The following CDC25B variants were observed in gnomAD, a reference collection of about 807,000 sequenced individuals.
CDC25B encodes cell division cycle 25B.
A neutral mutation model predicts 69.8 loss-of-function variants in CDC25B; 33 were observed. The ratio of observed to expected loss-of-function variants is 0.47; its 90% CI spans 0.36 to 0.63. The LOEUF is 0.63. Ranked by LOEUF, CDC25B falls within the 30% of genes least tolerant of loss-of-function variation. CDC25B has a pLI of 0.00. For missense variants in CDC25B, 727 were observed against 809.1 expected, an observed-to-expected ratio of 0.90 and a Z score of 1.23; for synonymous variants, 341 against 314.6, an observed-to-expected ratio of 1.08 and a Z score of -0.89.
chr20:3,795,406 G>A (rs1309225610), upstream of CDC25B, among the ~76,000 whole-genome samples: 3 of 151,962 alleles, frequency 2.0e-5, no homozygotes, highest in Admixed American at 6.6e-5. Flanking sequence ...AAGCTGCTCC[G>A]CTTAAAACGA....
upstream of CDC25B, among the ~76,000 whole-genome samples, chr20:3,795,485 A>C (rs1471158019): frequency 1.3e-5 from 2 of 152,254 alleles, no homozygotes; most frequent in Non-Finnish European, 2.9e-5. Flanking sequence ...TGCCATTGGC[A>C]CCAAGTTAGC....
At chr20:3,790,850 G>A (rs745945336) in intron 1 of CDC25B, among the ~76,000 whole-genome samples, 7 of 150,668 alleles carry the variant, frequency 4.6e-5, no homozygotes, top group Admixed American at 4.0e-4. Flanking sequence ...GATTACAGGC[G>A]TGAGCCACCG....
chr20:3,791,068 A>G (rs1318177997), intron 1 of CDC25B, among the ~76,000 whole-genome samples: 1 of 152,182 alleles, frequency 6.6e-6, no homozygotes, highest in East Asian at 1.9e-4. Flanking sequence ...TAGTCTTTCA[A>G]TAATGAGCCC....
Position 3,805,058 on chromosome 20 carries a change from G to T in CDC25B, c.*97G>T, listed in dbSNP as rs758565216. ...GGCTGAGGGCCTGCTGGAGGCCTCA[G>T]GTGCTGTCCATGGGAAAGATGGTGT... On this transcript the variant is annotated 3_prime_UTR_variant, in exon 16 of 16. Coordinates refer to ENST00000245960, the MANE Select transcript of CDC25B (RefSeq NM_021873.4). The T allele has an allele frequency of 7.7e-7, 1 of 1,298,354 alleles. No individual in the cohort carries two copies. The highest frequency in any genetic ancestry group is 1.0e-6 in the Non-Finnish European group (1 of 953,964). The allele number at this position is 1,298,354 out of a possible 1,614,324, so 80.4% of individuals were successfully genotyped here.
In CDC25B at chr20:3,796,665, G is replaced by A; in HGVS notation, c.134G>A (p.Arg45Gln). The change falls in exon 1 of 16, where the codon CGG becomes CAG. Residue 45 changes from arginine (R) to glutamine (Q), a missense_variant. Coordinates refer to ENST00000245960, the MANE Select transcript of CDC25B (RefSeq NM_021873.4). ...GSHGLLGSPV[R>Q]AAASSPVTTL... ...CATGGCCTCCTGGGGTCCCCGGTGC[G>A]GGCGGCCGCTTCCTCGCCGGTCACC... 2.0e-6 allele frequency: 3 copies of A among 1,508,954 alleles called. No individual in the cohort carries two copies. The East Asian group carries it at 7.7e-5, about 39-fold the overall frequency. 93.5% of individuals were successfully genotyped at this position (1,508,954 alleles called of 1,614,324 possible).
Position 3,805,964 on chromosome 20 carries a change from A to G in CDC25B, c.*1003A>G, listed in dbSNP as rs866968987. ...ATATTTACACTTAGGGTTTGGAGCT[A>G]TTCAAGAGGAAATGTCACAGAAGCA... On this transcript the variant is annotated 3_prime_UTR_variant, in exon 16 of 16. Transcript: ENST00000245960. The G allele has an allele frequency of 2.5e-6, 1 of 401,188 alleles. No homozygotes were observed. Among genetic ancestry groups the G allele is most frequent in the Non-Finnish European group, 4.4e-6 (1 of 226,882 alleles). 24.9% of individuals were successfully genotyped at this position (401,188 alleles called of 1,614,324 possible).
chr20:3,801,373 A>G lies in CDC25B; in HGVS notation c.825A>G (p.Leu275=), dbSNP rs1467278000. Residue 275 remains leucine, a synonymous_variant, in exon 8 of 16, where the codon CTA becomes CTG. Coordinates refer to ENST00000245960, the MANE Select transcript of CDC25B (RefSeq NM_021873.4). ...TEEDDGFVDI[L]ESDLKDDDAV... ...AAGATGATGGATTTGTGGACATCCT[A>G]GAGAGTGACTTAAAGGTAAACAGCC... 1 of 1,612,708 alleles carries G rather than the reference A, an allele frequency of 6.2e-7. No homozygotes were observed. Among genetic ancestry groups the G allele is most frequent in the Non-Finnish European group, 8.5e-7 (1 of 1,179,300 alleles).
chr20:3,804,522 G>A (rs760385327), intron 14 of CDC25B, 47 bp from the exon 15 acceptor site: 2 of 1,216,748 alleles, frequency 1.6e-6, no homozygotes, highest in Non-Finnish European at 2.4e-6. Context: ...TGATGTACAA[G>A]CCACTGCATG....
At position 3,801,951 on chromosome 20, in the gene CDC25B, C is replaced by G. The variant is rs536184837; in HGVS notation, c.949C>G (p.Arg317Gly). Reference sequence around the variant, plus strand: ...CCTCGTCATGTACAGCAAGTGCCAGCGGCTCTTCCGCTCTCCGTCCATGCC... The same window carrying G: ...CCTCGTCATGTACAGCAAGTGCCAGGGGCTCTTCCGCTCTCCGTCCATGCC... Reference protein sequence around the residue: ...KDLVMYSKCQRLFRSPSMPCS... With the variant: ...KDLVMYSKCQGLFRSPSMPCS... Residue 317 changes from arginine (R) to glycine (G), a missense_variant, in exon 10 of 16, where the codon CGG becomes GGG. Transcript: ENST00000245960. 1 of 1,611,948 alleles carries G rather than the reference C, an allele frequency of 6.2e-7. No homozygotes were observed. The highest frequency in any genetic ancestry group is 8.5e-7 in the Non-Finnish European group (1 of 1,179,012).
At chr20:3,791,697 CA>C (rs1759312653), upstream of CDC25B, among the ~76,000 whole-genome samples, 1 of 152,060 alleles carries the variant, frequency 6.6e-6, no homozygotes, top group Admixed American at 6.6e-5. Flanking sequence ...AAACAGAAAA[CA>C]AACTAAATGC....
At position 3,803,467 on chromosome 20, in the gene CDC25B, C is replaced by G. The variant is rs763791017; in HGVS notation, c.1420C>G (p.Pro474Ala). ...ESFLLKSPIA[P>A]CSLDKRVILI... is the part of the protein sequence containing the mutation. The stretch of plus-strand genomic sequence containing the variant: ...CTTCCTACTGAAGAGCCCCATCGCG[C>G]CCTGTAGCCTGGACAAGAGAGTCAT... The change falls in exon 14 of 16, where the codon CCC becomes GCC. Residue 474 changes from proline to alanine, a missense_variant. Pro to Ala is a conservative substitution (Grantham distance 27). Coordinates refer to ENST00000245960, the MANE Select transcript of CDC25B (RefSeq NM_021873.4). The surrounding 1 kb of genome is among the most constrained non-coding windows in gnomAD (Gnocchi z 4.9). 6.2e-7 allele frequency: 1 copy of G among 1,614,068 alleles called. No individual in the cohort carries two copies. Among genetic ancestry groups the G allele is most frequent in the South Asian group, 1.1e-5 (1 of 91,080 alleles).
At position 3,801,961 on chromosome 20, in the gene CDC25B, G is replaced by A. The variant is rs775863316; in HGVS notation, c.959G>A (p.Arg320His). The A allele has an allele frequency of 3.7e-6, 6 of 1,611,988 alleles. No individual in the cohort carries two copies. Among genetic ancestry groups the A allele is most frequent in the South Asian group, 1.1e-5 (1 of 90,624 alleles). ...TACAGCAAGTGCCAGCGGCTCTTCC[G>A]CTCTCCGTCCATGCCCTGCAGCGTG... ...VMYSKCQRLF[R>H]SPSMPCSVIR... The change falls in exon 10 of 16, where the codon CGC (arginine) becomes CAC (histidine). Residue 320 changes from arginine (R) to histidine (H), a missense_variant. Transcript: ENST00000245960.
At chr20:3,797,894 G>A in intron 2 of CDC25B, 145 bp downstream of exon 2, 1 of 971,678 alleles carries the variant, frequency 1.0e-6, no homozygotes, top group Non-Finnish European at 1.5e-6. Flanking sequence ...ACCCTCCACA[G>A]AAATGGGAGG....
rs566907348 is a variant in CDC25B, at chr20:3,805,351, A to G, written c.*390A>G. The stretch of plus-strand genomic sequence containing the variant: ...GAGCCGTGGTCCCTGAGGATGGGTC[A>G]GAGCTAAACTCCTTCCTGGCCTGAG... On this transcript the variant is annotated 3_prime_UTR_variant, in exon 16 of 16. Transcript: ENST00000245960. 2.5e-5 allele frequency: 7 copies of G among 282,992 alleles called. No homozygotes were observed. The South Asian group carries it at 4.3e-4, about 18-fold the overall frequency. The allele number at this position is 282,992 out of a possible 1,614,324, so 17.5% of individuals were successfully genotyped here.
At chr20:3,793,743 TC>T (rs1162244172), upstream of CDC25B, among the ~76,000 whole-genome samples, 2 of 84,252 alleles carry the variant, frequency 2.4e-5, no homozygotes, top group Non-Finnish European at 4.5e-5. Flanking sequence ...ATGCTATCCC[TC>T]CCCCCTCCCC....
chr20:3,799,220 G>A (rs2089174751), intron 3 of CDC25B, among the ~76,000 whole-genome samples: 1 of 152,216 alleles, frequency 6.6e-6, no homozygotes. Context: ...TGATCAGACT[G>A]GGTTGGGCTG....
chr20:3,794,622 C>T (rs943688601), upstream of CDC25B, among the ~76,000 whole-genome samples: 2 of 152,210 alleles, frequency 1.3e-5, no homozygotes, highest in South Asian at 4.1e-4. Flanking sequence ...GGCTGGAGGT[C>T]CAGGGCATAA....
rs753066920 is a variant in CDC25B, at chr20:3,803,846, A to G, written c.1490+309A>G. Among the ~76,000 whole-genome samples the G allele has an allele frequency of 2.6e-5, 4 of 152,174 alleles. No homozygotes were observed. The highest frequency in any genetic ancestry group is 5.9e-5 in the Non-Finnish European group (4 of 68,036). On this transcript the variant is annotated intron_variant, in intron 14 of 15. Coordinates refer to ENST00000245960, the MANE Select transcript of CDC25B (RefSeq NM_021873.4). The surrounding 1 kb of genome is among the most constrained non-coding windows in gnomAD (Gnocchi z 4.9). Reference sequence around the variant, plus strand: ...TAAGGGCCGCGTGTCAGTCCCCAGTACACGGACCCTCCCCATGTTCAGTGC... The same window carrying G: ...TAAGGGCCGCGTGTCAGTCCCCAGTGCACGGACCCTCCCCATGTTCAGTGC...
chr20:3,788,100 G>C (rs2088854045), intron 1 of CDC25B, among the ~76,000 whole-genome samples: 1 of 150,220 alleles, frequency 6.7e-6, no homozygotes, highest in Non-Finnish European at 1.5e-5. Flanking sequence ...TCATGCCACT[G>C]CACTCCAGCC....
Sources: allele counts gnomAD v4.1 joint callset (sites outside exome capture counted in the v4.1 genomes callset), GRCh38; gene constraint gnomAD v4.1.1; non-coding constraint Gnocchi (gnomAD v3.1); transcripts MANE v1.5; gene names NCBI Gene and HGNC (gene_info 2026-07-23, HGNC 2026-07-21).